Variants in FGF13 observed in about 807,000 individuals in gnomAD.
FGF13 encodes the protein fibroblast growth factor homologous factor 2.
In FGF13, 2 loss-of-function variants were observed where a neutral mutation model predicts 19.5. The ratio of observed to expected loss-of-function variants is 0.10; its 90% CI spans 0.04 to 0.32. FGF13 has a LOEUF of 0.32. Ranked by LOEUF, FGF13 falls within the 10% of genes least tolerant of loss-of-function variation. The probability of loss-of-function intolerance (pLI) is 1.00; values close to 1 mark genes in which losing one functional copy is unlikely to be tolerated. For synonymous variants in FGF13, 72 were observed against 76.9 expected, an observed-to-expected ratio of 0.94 and a Z score of 0.33; for missense variants, 113 against 192.7, an observed-to-expected ratio of 0.59 and a Z score of 2.45.
chrX:138,673,343 G>A (rs946961368), intron 3 of FGF13, among the ~76,000 whole-genome samples: 1 of 111,093 alleles, frequency 9.0e-6, no homozygotes, highest in East Asian at 2.9e-4. Context: ...GGTTTGACCA[G>A]GCATGTTATT....
intron 3 of FGF13, among the ~76,000 whole-genome samples, chrX:138,692,312 A>AT (rs1346857776): frequency 4.5e-5 from 5 of 110,976 alleles, no homozygotes; most frequent in Non-Finnish European, 7.6e-5. Context: ...TCAGTTACTA[A>AT]TTAATGAGCA....
At position 139,179,930 on chromosome X, in the gene FGF13, G is replaced by T. The variant is rs151000136; in HGVS notation, c.-113+23486C>A. Among the ~76,000 whole-genome samples, 450 of 113,097 alleles carry T rather than the reference G, an allele frequency of 4.0e-3. 3 individuals are homozygous for T. Among genetic ancestry groups the T allele is most frequent in the African/African-American group, 0.014 (428 of 31,186 alleles). Reference sequence around the variant, plus strand: ...TGTCCCCATAGTATGCCAAAAGCAGGGACCATGTCCTGTGTATCTCTGTGT... The same window carrying T: ...TGTCCCCATAGTATGCCAAAAGCAGTGACCATGTCCTGTGTATCTCTGTGT... On this transcript the variant is annotated intron_variant, in intron 1 of 2. Transcript: ENST00000421460.
chrX:139,053,683 C>T (rs1210708567), intron 1 of FGF13, among the ~76,000 whole-genome samples: 3 of 111,487 alleles, frequency 2.7e-5, no homozygotes, highest in Non-Finnish European at 5.7e-5. Flanking sequence ...ATTGTGAAGA[C>T]TTTCTCTCAC....
chrX:138,780,186 A>T (rs1401676845), intron 3 of FGF13, among the ~76,000 whole-genome samples: 1 of 110,528 alleles, frequency 9.0e-6, no homozygotes, highest in Non-Finnish European at 1.9e-5. Flanking sequence ...GAAAGGAACA[A>T]CTGGTACCAG....
In FGF13 at chrX:138,620,281, CAG is replaced by C. The variant is rs2089004397; in HGVS notation, c.*12567_*12568del. The stretch of plus-strand genomic sequence containing the variant: ...AGCTGAACATGAGAACACATGGACA[CAG>C]GGAGGGGAACAATACACACTGGGGC... On this transcript the variant is annotated 3_prime_UTR_variant, in exon 5 of 5. Transcript: ENST00000315930. 9.2e-6 allele frequency: 1 copy of C among 108,467 alleles called. No individual in the cohort carries two copies. The highest frequency in any genetic ancestry group is 3.4e-5 in the African/African-American group (1 of 29,548). The allele number at this position is 108,467 out of a possible 1,213,427, so 8.9% of individuals were successfully genotyped here.
At chrX:139,173,291 G>T (rs1260672440) in intron 1 of FGF13, among the ~76,000 whole-genome samples, 1 of 110,782 alleles carries the variant, frequency 9.0e-6, no homozygotes, top group South Asian at 3.8e-4. Context: ...AACCTCCCTG[G>T]CTCTAAACTG....
At chrX:139,031,428 T>C (rs139693816) in intron 1 of FGF13, among the ~76,000 whole-genome samples, 3,390 of 110,755 alleles carry the variant, frequency 0.031, 139 homozygotes, top group African/African-American at 0.1. Context: ...TAAGGAATTT[T>C]AGGGAACTGA....
At chrX:138,835,739 T>C (rs1447458626) in intron 3 of FGF13, among the ~76,000 whole-genome samples, 2 of 112,024 alleles carry the variant, frequency 1.8e-5, no homozygotes, top group Admixed American at 1.9e-4. Context: ...ATAATGTCAC[T>C]GGGCTGTGTA....
At chrX:138,683,654 T>A (rs1000784818) in intron 3 of FGF13, among the ~76,000 whole-genome samples, 2 of 111,548 alleles carry the variant, frequency 1.8e-5, no homozygotes, top group African/African-American at 6.5e-5. Flanking sequence ...AGTTTAGAAA[T>A]ATCTAGTTAT....
intron 1 of FGF13, among the ~76,000 whole-genome samples, chrX:139,023,965 A>G (rs1393818778): frequency 1.8e-5 from 2 of 111,252 alleles, no homozygotes; most frequent in African/African-American, 3.3e-5. Flanking sequence ...AAAAATTTCA[A>G]CTTCTACCTG....
At chrX:139,113,773 G>C (rs899776022) in intron 1 of FGF13, among the ~76,000 whole-genome samples, 5 of 111,726 alleles carry the variant, frequency 4.5e-5, no homozygotes, top group African/African-American at 1.3e-4. Context: ...CAGATGGTGA[G>C]GCCACTAAAT....
intron 1 of FGF13, among the ~76,000 whole-genome samples, chrX:139,081,732 C>A (rs1374844295): frequency 2.1e-4 from 23 of 111,189 alleles, no homozygotes; most frequent in Non-Finnish European, 4.3e-4. Context: ...TCCTCTCTCT[C>A]TCTCTCTCTT....
chrX:138,664,020 T>G (rs657), intron 3 of FGF13, among the ~76,000 whole-genome samples: 10,837 of 111,255 alleles, frequency 0.097, 424 homozygotes, highest in Middle Eastern at 0.18. Context: ...TAGTCTAAAT[T>G]AGGTTTCATT....
chrX:138,750,514 A>G (rs1372648695), intron 3 of FGF13, among the ~76,000 whole-genome samples: 1 of 111,265 alleles, frequency 9.0e-6, no homozygotes, highest in Non-Finnish European at 1.9e-5. Flanking sequence ...TAGTGAACCC[A>G]TCACCGAAAT....
intron 3 of FGF13, among the ~76,000 whole-genome samples, chrX:138,762,104 A>C (rs1309117464): frequency 9.1e-6 from 1 of 110,241 alleles, no homozygotes; most frequent in Admixed American, 9.9e-5. Context: ...ATTTAATTTT[A>C]ATGTTTAAAT....
intron 3 of FGF13, among the ~76,000 whole-genome samples, chrX:138,694,436 TTTTTC>T (rs1250476090): frequency 6.5e-5 from 7 of 107,923 alleles, no homozygotes; most frequent in South Asian, 4.0e-4. Flanking sequence ...AATTTTTTCT[TTTTTC>T]TTTTCTTTTC....
intron 1 of FGF13, among the ~76,000 whole-genome samples, chrX:139,061,193 C>T (rs766073234): frequency 3.6e-5 from 4 of 111,785 alleles, no homozygotes; most frequent in African/African-American, 1.3e-4. Flanking sequence ...TAAATCTTCA[C>T]CAATATTCCT....
At chrX:138,704,969 A>G (rs2089980607) in intron 2 of FGF13, among the ~76,000 whole-genome samples, 1 of 112,360 alleles carries the variant, frequency 8.9e-6, no homozygotes, top group African/African-American at 3.2e-5. Flanking sequence ...GTGGATTGAT[A>G]GCAATCTGTA....
chrX:139,065,049 G>A (rs1707723405), intron 1 of FGF13, among the ~76,000 whole-genome samples: 4 of 110,171 alleles, frequency 3.6e-5, no homozygotes, highest in South Asian at 4.0e-4. Context: ...CTCTAAACTG[G>A]TTATTCTAGT....
Sources: gnomAD v4.1 joint callset for allele counts (sites outside exome capture counted in the v4.1 genomes callset) on GRCh38, gnomAD v4.1.1 for gene constraint, MANE v1.5 for transcripts, NCBI Gene and HGNC (gene_info 2026-07-23, HGNC 2026-07-21) for gene names.